Variants in FRMD5 observed in about 807,000 individuals in gnomAD.
FRMD5 encodes the protein FERM domain-containing protein 5.
In FRMD5, 20 loss-of-function variants were observed where a neutral mutation model predicts 69.0. That is an observed-to-expected ratio of 0.29 (90% CI 0.20 to 0.42). The LOEUF is 0.42. Ranked by LOEUF, FRMD5 falls within the 10% of genes least tolerant of loss-of-function variation. FRMD5 has a pLI of 1.00. For synonymous variants in FRMD5, 271 were observed against 260.1 expected, an observed-to-expected ratio of 1.04 and a Z score of -0.40; for missense variants, 595 against 708.6, an observed-to-expected ratio of 0.84 and a Z score of 1.82.
At chr15:43,884,955 G>T (rs1010519349) in intron 11 of FRMD5, 160 bp from the exon 12 acceptor site, 1 of 605,998 alleles carries the variant, frequency 1.7e-6, no homozygotes, top group East Asian at 2.8e-5. Context: ...GCTTGGTGGG[G>T]TAGACTTCTA....
chr15:44,121,373 G>A (rs1484796950), intron 1 of FRMD5, among the ~76,000 whole-genome samples: 1 of 151,960 alleles, frequency 6.6e-6, no homozygotes, highest in Non-Finnish European at 1.5e-5. Flanking sequence ...GGCTATGGAA[G>A]AGAAGAGGGA....
intron 1 of FRMD5, among the ~76,000 whole-genome samples, chr15:44,107,043 T>G (rs2076729844): frequency 1.3e-5 from 2 of 152,226 alleles, no homozygotes; most frequent in South Asian, 4.1e-4. Flanking sequence ...TTTGAAAATA[T>G]CTGTGACTCC....
intron 1 of FRMD5, among the ~76,000 whole-genome samples, chr15:44,031,982 T>C (rs979592239): frequency 2.0e-5 from 3 of 152,252 alleles, no homozygotes; most frequent in South Asian, 4.1e-4. Flanking sequence ...CAAAACAGCA[T>C]AGTACTGGTA....
At chr15:44,135,882 G>A (rs780550113) in intron 1 of FRMD5, among the ~76,000 whole-genome samples, 10 of 150,298 alleles carry the variant, frequency 6.7e-5, no homozygotes, top group Admixed American at 2.7e-4. Flanking sequence ...GTTAGTAGAC[G>A]CATAAAATTT....
chr15:44,168,736 C>A (rs1263796156), intron 1 of FRMD5, among the ~76,000 whole-genome samples: 1 of 152,054 alleles, frequency 6.6e-6, no homozygotes, highest in Non-Finnish European at 1.5e-5. Flanking sequence ...TGCCAATATC[C>A]CCAACGTACT....
chr15:44,190,001 C>A (rs1039238142), intron 1 of FRMD5, among the ~76,000 whole-genome samples: 1 of 152,168 alleles, frequency 6.6e-6, no homozygotes, highest in Non-Finnish European at 1.5e-5. Flanking sequence ...TTGGCCTAAG[C>A]CCCAAAAAGT....
chr15:43,925,970 T>G (rs1269107416), intron 1 of FRMD5, among the ~76,000 whole-genome samples: 1 of 152,238 alleles, frequency 6.6e-6, no homozygotes, highest in Non-Finnish European at 1.5e-5. Flanking sequence ...ATTTGTTTAG[T>G]TATCTATTTA....
intron 1 of FRMD5, among the ~76,000 whole-genome samples, chr15:44,138,541 G>A (rs2077220478): frequency 6.6e-6 from 1 of 152,108 alleles, no homozygotes; most frequent in Admixed American, 6.5e-5. Context: ...AGGATTCCAT[G>A]CCCAGCTAAG....
rs1015966292 is a variant in FRMD5, at chr15:44,023,551, G to T, written c.103-99242C>A. Among the ~76,000 whole-genome samples the T allele has an allele frequency of 4.6e-5, 7 of 152,188 alleles. No homozygotes were observed. The East Asian group carries it at 1.4e-3, about 29-fold the overall frequency. On this transcript the variant is annotated intron_variant, in intron 1 of 13. Transcript: ENST00000417257. Reference sequence around the variant, plus strand: ...AACCTTTTCATTTATTTCTTTTAAAGAAATAAGCTCCTCTCAACTTAAACG... The same window carrying T: ...AACCTTTTCATTTATTTCTTTTAAATAAATAAGCTCCTCTCAACTTAAACG...
chr15:43,901,934 C>A, intron 7 of FRMD5: 1 of 489,088 alleles, frequency 2.0e-6, no homozygotes, highest in Non-Finnish European at 3.6e-6. Context: ...GGGGCCCTAG[C>A]TTTGGATTTG....
rs183693148 is a variant in FRMD5 at position 44,179,201 on chromosome 15, G to A, written c.102+15752C>T. 1.1e-3 allele frequency among the ~76,000 whole-genome samples: 160 copies of A among 152,210 alleles called. 1 individual carries two copies. Among genetic ancestry groups the A allele is most frequent in the African/African-American group, 3.8e-3 (157 of 41,566 alleles). On this transcript the variant is annotated intron_variant, in intron 1 of 13. Transcript: ENST00000417257. Reference sequence around the variant, plus strand: ...AGCCATTAGTAACTACTACTTAAAGGAGAAAGAAAACTGATTCCAAATATA... The same window carrying A: ...AGCCATTAGTAACTACTACTTAAAGAAGAAAGAAAACTGATTCCAAATATA...
intron 1 of FRMD5, among the ~76,000 whole-genome samples, chr15:44,190,272 T>C (rs1036007148): frequency 5.9e-5 from 9 of 152,142 alleles, no homozygotes; most frequent in African/African-American, 2.2e-4. Context: ...ATGGGAAGCA[T>C]GGTCCACTTC....
At chr15:44,155,491 A>G (rs183454593) in intron 1 of FRMD5, among the ~76,000 whole-genome samples, 131 of 152,200 alleles carry the variant, frequency 8.6e-4, no homozygotes, top group Non-Finnish European at 7.1e-4. Context: ...GTTATTATCT[A>G]TTAAAGCTGA....
At chr15:43,966,965 A>G (rs541398046) in intron 1 of FRMD5, among the ~76,000 whole-genome samples, 13 of 152,252 alleles carry the variant, frequency 8.5e-5, no homozygotes, top group African/African-American at 2.9e-4. Context: ...AGAAACAGAG[A>G]AACAGAAGCA....
intron 1 of FRMD5, among the ~76,000 whole-genome samples, chr15:43,959,105 T>C (rs1345511110): frequency 1.3e-5 from 2 of 152,216 alleles, no homozygotes; most frequent in Non-Finnish European, 2.9e-5. Flanking sequence ...CAACCTCTAG[T>C]GAATAATTAT....
intron 1 of FRMD5, among the ~76,000 whole-genome samples, chr15:44,142,964 C>A (rs1436633935): frequency 2.6e-5 from 4 of 152,044 alleles, no homozygotes; most frequent in Non-Finnish European, 5.9e-5. Flanking sequence ...GTGGCGCGGG[C>A]CTGCAGTCTC....
rs1283303927 is a variant in FRMD5 at position 44,195,261 on chromosome 15, C to A, written c.-207G>T. On this transcript the variant is annotated 5_prime_UTR_variant, in exon 1 of 14. Coordinates refer to ENST00000417257, the MANE Select transcript of FRMD5 (RefSeq NM_032892.5). The stretch of plus-strand genomic sequence containing the variant: ...CCGCCTCCCCCCAGCCCAGATCAAG[C>A]GCCGGGCTCTGTCTCCTCGGCGCCC... 12 of 528,366 alleles carry A rather than the reference C, an allele frequency of 2.3e-5. No homozygotes were observed. The East Asian group carries it at 3.9e-4, about 17-fold the overall frequency. 32.7% of individuals were successfully genotyped at this position (528,366 alleles called of 1,614,324 possible).
chr15:44,073,141 C>G (rs1279369910), intron 1 of FRMD5, among the ~76,000 whole-genome samples: 1 of 151,884 alleles, frequency 6.6e-6, no homozygotes, highest in Non-Finnish European at 1.5e-5. Flanking sequence ...TCTAAAGAAA[C>G]AAAACTAAAA....
chr15:44,127,821 G>A (rs767076703), intron 1 of FRMD5, among the ~76,000 whole-genome samples: 47 of 152,230 alleles, frequency 3.1e-4, no homozygotes, highest in Middle Eastern at 3.4e-3. Flanking sequence ...GCAGGGAGTT[G>A]TGATCTCACC....
Sources: gnomAD v4.1 joint callset for allele counts (sites outside exome capture counted in the v4.1 genomes callset) on GRCh38, gnomAD v4.1.1 for gene constraint, MANE v1.5 for transcripts, NCBI Gene and HGNC (gene_info 2026-07-23, HGNC 2026-07-21) for gene names.